The following FGFR2 variants were observed in gnomAD, a reference collection of about 807,000 sequenced individuals.
FGFR2 encodes the protein fibroblast growth factor receptor 2.
A neutral mutation model predicts 95.9 loss-of-function variants in FGFR2; 19 were observed. That is an observed-to-expected ratio of 0.20 (90% CI 0.14 to 0.29). The LOEUF (loss-of-function observed/expected upper bound fraction) is 0.29, where lower values mean the gene tolerates loss of function less well. Among genes scored for constraint, FGFR2 ranks in the 10% least tolerant of loss-of-function variants. The pLI, the probability that FGFR2 is intolerant of heterozygous loss-of-function variation, is 1.00. For synonymous variants in FGFR2, 392 were observed against 393.3 expected (o/e 1.00, Z 0.04); for missense variants, 707 against 1,056.9 (o/e 0.67, Z 4.59).
At chr10:121,490,065 T>C (rs748911767) in intron 13 of FGFR2, among the ~76,000 whole-genome samples, 2 of 151,886 alleles carry the variant, frequency 1.3e-5, no homozygotes, top group Non-Finnish European at 2.9e-5. Flanking sequence ...AACACTGAAA[T>C]ATTAAATACT....
intron 13 of FGFR2, among the ~76,000 whole-genome samples, chr10:121,494,644 T>A (rs969506429): frequency 6.6e-6 from 1 of 152,108 alleles, no homozygotes; most frequent in Non-Finnish European, 1.5e-5. Flanking sequence ...ACTGCTGGGT[T>A]TGCTTGTTAC....
chr10:121,551,176 C>T, intron 5 of FGFR2, 114 bp downstream of exon 5: 4 of 1,230,222 alleles, frequency 3.3e-6, no homozygotes, highest in Non-Finnish European at 3.5e-6. Flanking sequence ...ACCGAGATCG[C>T]ACCACGGCAC....
At chr10:121,556,435 G>T (rs1357955053) in intron 4 of FGFR2, among the ~76,000 whole-genome samples, 1 of 101,112 alleles carries the variant, frequency 9.9e-6, no homozygotes, top group South Asian at 3.1e-4. Flanking sequence ...CTCTCTCTCT[G>T]GAACCAAAAA....
chr10:121,559,398 T>C (rs1036201110), intron 4 of FGFR2, among the ~76,000 whole-genome samples: 4 of 152,194 alleles, frequency 2.6e-5, no homozygotes, highest in Non-Finnish European at 5.9e-5. Context: ...AACGTCCCCT[T>C]TCCTGCCTTG....
Position 121,485,036 on chromosome 10 carries a change from G to A in FGFR2, c.2195+359C>T, listed in dbSNP as rs3135808. Among the ~76,000 whole-genome samples, 4,207 of 152,236 alleles carry A rather than the reference G, an allele frequency of 0.028. 85 individuals are homozygous for A. Among genetic ancestry groups the A allele is most frequent in the African/African-American group, 0.038 (1,599 of 41,548 alleles). On this transcript the variant is annotated intron_variant, in intron 16 of 17. Coordinates refer to ENST00000358487, the MANE Select transcript of FGFR2 (RefSeq NM_000141.5). This position sits in a 1 kb window ranked among gnomAD's most constrained non-coding sequence, Gnocchi z 4.2. ...GGGCGGCCCCGCGGCTTTCTAGCTT[G>A]TTTCCTGACCCGTGGGTCTTCCTGT...
At chr10:121,567,827 T>C (rs531776966) in intron 2 of FGFR2, among the ~76,000 whole-genome samples, 6 of 152,340 alleles carry the variant, frequency 3.9e-5, no homozygotes, top group African/African-American at 1.2e-4. Context: ...AGTTCAGTCA[T>C]TGCAACAGAA....
At chr10:121,527,139 C>T (rs1851487565) in intron 6 of FGFR2, among the ~76,000 whole-genome samples, 1 of 152,190 alleles carries the variant, frequency 6.6e-6, no homozygotes, top group African/African-American at 2.4e-5. Context: ...CTGGGAAGAC[C>T]AAAGCAGGTG....
intron 4 of FGFR2, among the ~76,000 whole-genome samples, chr10:121,556,194 A>G (rs997525045): frequency 3.9e-5 from 6 of 152,204 alleles, no homozygotes; most frequent in African/African-American, 1.4e-4. Flanking sequence ...AAGTAGTTGC[A>G]CTGATTAAGG....
chr10:121,551,627 T>C (rs1265428435), intron 4 of FGFR2, among the ~76,000 whole-genome samples, 168 bp from the exon 5 acceptor site: 1 of 151,736 alleles, frequency 6.6e-6, no homozygotes, highest in African/African-American at 2.4e-5. Flanking sequence ...CTAATCCAGC[T>C]GGCTGAGCAG....
rs768898057 is a variant in FGFR2, at chr10:121,564,586, G to A, written c.377-7C>T. The A allele has an allele frequency of 3.7e-6, 6 of 1,613,212 alleles. No homozygotes were observed. Among genetic ancestry groups the A allele is most frequent in the Non-Finnish European group, 5.1e-6 (6 of 1,179,556 alleles). Reference sequence around the variant, plus strand: ...TCTCCGGATGAGATGGCATCTGTATGCAAAAGAACATATTCCATGGATGTG... The same window carrying A: ...TCTCCGGATGAGATGGCATCTGTATACAAAAGAACATATTCCATGGATGTG... On this transcript the variant is annotated splice_region_variant and splice_polypyrimidine_tract_variant and intron_variant, in intron 3 of 17. Coordinates refer to ENST00000358487, the MANE Select transcript of FGFR2 (RefSeq NM_000141.5).
At chr10:121,535,903 A>G (rs927135701) in intron 6 of FGFR2, among the ~76,000 whole-genome samples, 4 of 152,246 alleles carry the variant, frequency 2.6e-5, no homozygotes, top group African/African-American at 9.6e-5. Flanking sequence ...AAGAATTTCA[A>G]TAAAAAGATC....
chr10:121,537,858 A>T (rs1233175455), intron 6 of FGFR2: 1 of 158,630 alleles, frequency 6.3e-6, no homozygotes, highest in Non-Finnish European at 1.4e-5. Context: ...ATATGTTAGC[A>T]ATCCTCCAAG....
intron 9 of FGFR2, among the ~76,000 whole-genome samples, chr10:121,505,155 C>T (rs367811572): frequency 6.6e-6 from 1 of 152,184 alleles, no homozygotes; most frequent in Non-Finnish European, 1.5e-5. Context: ...GTCCTGGGCT[C>T]TTCTCACAGG....
At chr10:121,547,030 G>C (rs1854618760) in intron 5 of FGFR2, among the ~76,000 whole-genome samples, 1 of 152,162 alleles carries the variant, frequency 6.6e-6, no homozygotes. Flanking sequence ...TTCGAGACCA[G>C]CATGACCAAC....
At chr10:121,504,431 A>T (rs965644031) in intron 9 of FGFR2, among the ~76,000 whole-genome samples, 2 of 152,204 alleles carry the variant, frequency 1.3e-5, no homozygotes, top group African/African-American at 4.8e-5. Context: ...GGAAATGTAA[A>T]GTGGAATATC....
chr10:121,505,737 C>T (rs1009024827), intron 9 of FGFR2, among the ~76,000 whole-genome samples: 2 of 152,290 alleles, frequency 1.3e-5, no homozygotes, highest in Admixed American at 6.5e-5. Context: ...ACCTCGTCTG[C>T]GGGACACATC....
chr10:121,493,812 G>C (rs1400697437), intron 13 of FGFR2, among the ~76,000 whole-genome samples: 1 of 152,004 alleles, frequency 6.6e-6, no homozygotes, highest in African/African-American at 2.4e-5. Context: ...CTCAAGACGA[G>C]CTCGGATTTT....
chr10:121,576,751 C>T (rs991626994), intron 2 of FGFR2, among the ~76,000 whole-genome samples: 1 of 152,094 alleles, frequency 6.6e-6, no homozygotes, highest in African/African-American at 2.4e-5. Context: ...AGCTATACCC[C>T]AAGCCTCTCA....
In FGFR2 at chr10:121,514,832, G is replaced by C. The variant is rs77568307; in HGVS notation, c.1287+285C>G. Reference sequence around the variant, plus strand: ...ACTTGAGTCTGATCAAACACACACAGGGGGATTTGCCTCCAGTTATTTCCA... The same window carrying C: ...ACTTGAGTCTGATCAAACACACACACGGGGATTTGCCTCCAGTTATTTCCA... On this transcript the variant is annotated intron_variant, in intron 9 of 17. Transcript: ENST00000358487. Among the ~76,000 whole-genome samples, 3 of 152,270 alleles carry C rather than the reference G, an allele frequency of 2.0e-5. No individual in the cohort carries two copies. The East Asian group carries it at 5.8e-4, about 29-fold the overall frequency.
Sources: gnomAD v4.1 joint callset for allele counts (sites outside exome capture counted in the v4.1 genomes callset) on GRCh38, gnomAD v4.1.1 for gene constraint, Gnocchi (gnomAD v3.1) non-coding constraint, MANE v1.5 for transcripts, NCBI Gene and HGNC (gene_info 2026-07-23, HGNC 2026-07-21) for gene names.